STAT6: variants seen among roughly 807,000 people sequenced by gnomAD.
STAT6 encodes the protein STAT, interleukin4-induced.
STAT6 carries 45 observed loss-of-function variants against 106.3 expected under a neutral mutation model. The ratio of observed to expected loss-of-function variants is 0.42; its 90% CI spans 0.33 to 0.54. The LOEUF (loss-of-function observed/expected upper bound fraction) is 0.54, where lower values mean the gene tolerates loss of function less well. STAT6 is among the 20% of genes least tolerant of loss of function. STAT6 has a pLI of 0.06. For synonymous variants in STAT6, 413 were observed against 413.6 expected (o/e 1.00, Z 0.02); for missense variants, 797 against 1,062.2 (o/e 0.75, Z 3.47).
In STAT6 at chr12:57,096,919, C is replaced by T; in HGVS notation, c.2285G>A (p.Cys762Tyr). The part of the protein sequence containing the change: ...HAVSSPDPLL[C>Y]SDVTMVEDSC... ...GTCTTCCACCATGGTCACATCTGAGCAGAGCAGGGGGTCAGGGCTGGACAC... is the reference window on the plus strand; with the variant it reads ...GTCTTCCACCATGGTCACATCTGAGTAGAGCAGGGGGTCAGGGCTGGACAC... Residue 762 changes from cysteine to tyrosine, a missense_variant, in exon 21 of 22, where the codon TGC becomes TAC. Cys to Tyr is a radical substitution (Grantham distance 194, BLOSUM62 -2). Coordinates refer to ENST00000300134, the MANE Select transcript of STAT6 (RefSeq NM_003153.5). The T allele has an allele frequency of 6.2e-7, 1 of 1,614,168 alleles. No homozygotes were observed. Among genetic ancestry groups the T allele is most frequent in the Non-Finnish European group, 8.5e-7 (1 of 1,180,038 alleles).
chr12:57,111,003 A>G (rs1211202658), intron 1 of STAT6, 126 bp downstream of exon 1: 1 of 152,788 alleles, frequency 6.5e-6, no homozygotes, highest in Non-Finnish European at 1.5e-5. Context: ...AGCCACCAAC[A>G]CTAGCTGAAA....
intron 11 of STAT6, 126 bp downstream of exon 11, chr12:57,104,336 AGT>A (rs2034138466): frequency 7.3e-7 from 1 of 1,365,884 alleles, no homozygotes; most frequent in African/African-American, 1.4e-5. Context: ...CCCGGGCCCC[AGT>A]GTGCATGAAT....
In STAT6 at chr12:57,104,754, T is replaced by A; in HGVS notation, c.1061A>T (p.Asn354Ile). ...GTTCTTGAACAGGGCAGAGCAGCAG[T>A]TCCCAGGAATGCTGTTCTCCAAGGG... ...TVPLENSIPG[N>I]CCSALFKNLL... The change falls in exon 10 of 22, where the codon AAC becomes ATC. Residue 354 changes from asparagine (N) to isoleucine (I), a missense_variant. Physicochemically the swap from Asn to Ile is moderately radical, Grantham distance 149. This residue lies in a region of STAT6 where 13 missense variants were observed against 41.1 expected (regional missense o/e 0.32). Coordinates refer to ENST00000300134, the MANE Select transcript of STAT6 (RefSeq NM_003153.5). 6.2e-7 allele frequency: 1 copy of A among 1,614,106 alleles called. No individual in the cohort carries two copies. Among genetic ancestry groups the A allele is most frequent in the East Asian group, 2.2e-5 (1 of 44,874 alleles).
At chr12:57,103,065 A>C (rs2034054587) in intron 11 of STAT6, 144 bp from the exon 12 acceptor site, 2 of 560,420 alleles carry the variant, frequency 3.6e-6, no homozygotes, top group East Asian at 7.2e-5. Flanking sequence ...GTGCAATCTC[A>C]GCTCACTGCA....
rs956257608 is a variant in STAT6 at position 57,105,705 on chromosome 12, T to TG, written c.681-107dup. On this transcript the variant is annotated intron_variant, in intron 7 of 21. Transcript: ENST00000300134. The stretch of plus-strand genomic sequence containing the variant: ...AGAAAGGCTATCATGTGTGGAGAAG[T>TG]GGGGTGGGTAGTGGGTGTGGCTGCA... 5 of 1,465,696 alleles carry TG rather than the reference T, an allele frequency of 3.4e-6. No homozygotes were observed. In the African/African-American group the frequency reaches 7.0e-5, roughly 21 times the overall value. The allele number at this position is 1,465,696 out of a possible 1,614,324, so 90.8% of individuals were successfully genotyped here.
At chr12:57,106,463 G>A (rs1050448915) in intron 6 of STAT6, 65 bp downstream of exon 6, 1 of 1,609,610 alleles carries the variant, frequency 6.2e-7, no homozygotes, top group Non-Finnish European at 8.5e-7. Flanking sequence ...GTCTTTCTGA[G>A]GTCTAGCTTC....
Position 57,102,487 on chromosome 12 carries a change from G to T in STAT6, c.1315C>A (p.Pro439Thr), listed in dbSNP as rs2033992110. The T allele has an allele frequency of 6.2e-7, 1 of 1,613,556 alleles. No individual in the cohort carries two copies. The highest frequency in any genetic ancestry group is 8.5e-7 in the Non-Finnish European group (1 of 1,179,996). Reference sequence around the variant, plus strand: ...GGCACCCGCTCAGCCACCACAAAGGGCACGCGGTCCTGGGGAGAAGGGGGA... The same window carrying T: ...GGCACCCGCTCAGCCACCACAAAGGTCACGCGGTCCTGGGGAGAAGGGGGA... ...DNAFSEMDRV[P>T]FVVAERVPWE... Residue 439 changes from proline to threonine, a missense_variant, in exon 13 of 22, where the codon CCC (proline) becomes ACC (threonine). Around this residue, in one of 4 missense-constraint regions of STAT6, gnomAD observed 222 missense variants for 354.6 expected, o/e 0.63. Coordinates refer to ENST00000300134, the MANE Select transcript of STAT6 (RefSeq NM_003153.5).
At position 57,105,625 on chromosome 12, in the gene STAT6, G is replaced by A. The variant is rs55843453; in HGVS notation, c.681-26C>T. On this transcript the variant is annotated intron_variant, in intron 7 of 21. Transcript: ENST00000300134. ...CTGGGGCCAGGACAGTGGTCAGGGG[G>A]CACAGGATTAAGGCTGCTTGCTCCG... is the stretch of plus-strand genomic sequence containing the variant. 11,982 of 1,611,810 alleles carry A rather than the reference G, an allele frequency of 7.4e-3. 1,265 individuals carry two copies. The Admixed American group carries it at 0.18, about 24-fold the overall frequency.
rs1406270173 is a variant in STAT6 at position 57,096,049 on chromosome 12, C to T, written c.*523G>A. On this transcript the variant is annotated 3_prime_UTR_variant, in exon 22 of 22. Transcript: ENST00000300134. ...CTAGTAACCACATGTCCAGACCCCT[C>T]CTATGCTCCCACCCAGGGTCCCTTG... 6.5e-6 allele frequency: 1 copy of T among 154,714 alleles called. No individual in the cohort carries two copies. Among genetic ancestry groups the T allele is most frequent in the Non-Finnish European group, 1.4e-5 (1 of 69,778 alleles). 9.6% of individuals were successfully genotyped at this position (154,714 alleles called of 1,614,324 possible).
chr12:57,107,401 A>G, intron 3 of STAT6, 87 bp from the exon 4 acceptor site: 1 of 1,392,352 alleles, frequency 7.2e-7, no homozygotes, highest in Non-Finnish European at 1.0e-6. Flanking sequence ...ATTCACACAT[A>G]TACTATAAGG....
At position 57,104,447 on chromosome 12, in the gene STAT6, G is replaced by A. The variant is rs751259120; in HGVS notation, c.1212+17C>T. On this transcript the variant is annotated intron_variant, in intron 11 of 21. Transcript: ENST00000300134. ...ACTCGGGGTCCCAGATTGGGGCAGG[G>A]CTGGGCCACGGTTCACCTGGAGCTG... 25 of 1,600,220 alleles carry A rather than the reference G, an allele frequency of 1.6e-5. No individual in the cohort carries two copies. The highest frequency in any genetic ancestry group is 2.1e-5 in the Non-Finnish European group (25 of 1,174,230).
chr12:57,103,606 C>T (rs1360052555), intron 11 of STAT6: 1 of 152,132 alleles, frequency 6.6e-6, no homozygotes, highest in Non-Finnish European at 1.5e-5. Context: ...CTTGCTCTGT[C>T]GCCCAGGCTG....
Position 57,105,613 on chromosome 12 carries a change from A to G in STAT6, c.681-14T>C, listed in dbSNP as rs1434310110. On this transcript the variant is annotated splice_polypyrimidine_tract_variant and intron_variant, in intron 7 of 21. Transcript: ENST00000300134. ...AGGCTTTCACACCTGGGGCCAGGAC[A>G]GTGGTCAGGGGGCACAGGATTAAGG... 2.5e-6 allele frequency: 4 copies of G among 1,613,210 alleles called. No individual in the cohort carries two copies. Among genetic ancestry groups the G allele is most frequent in the South Asian group, 1.1e-5 (1 of 90,972 alleles).
At chr12:57,110,744 A>G (rs2034534309) in intron 1 of STAT6, among the ~76,000 whole-genome samples, 1 of 152,098 alleles carries the variant, frequency 6.6e-6, no homozygotes, top group Non-Finnish European at 1.5e-5. Flanking sequence ...AGGAACCTTT[A>G]GTGGAGGGCA....
In STAT6 at chr12:57,107,318, C is replaced by T. The variant is rs760998062; in HGVS notation, c.256-4G>A. 1.7e-5 allele frequency: 28 copies of T among 1,613,520 alleles called. No individual in the cohort carries two copies. Among genetic ancestry groups the T allele is most frequent in the Middle Eastern group, 1.6e-4 (1 of 6,084 alleles). On this transcript the variant is annotated splice_region_variant and splice_polypyrimidine_tract_variant and intron_variant, in intron 3 of 21. Transcript: ENST00000300134. The stretch of plus-strand genomic sequence containing the variant: ...GGGGGTCCCTCTGATATATGCTCTA[C>T]AGAAATGAGGGTGGTAAACAGTGAG...
At position 57,099,099 on chromosome 12, in the gene STAT6, C is replaced by T; in HGVS notation, c.1892-21G>A. The T allele has an allele frequency of 6.2e-7, 1 of 1,614,010 alleles. No homozygotes were observed. The highest frequency in any genetic ancestry group is 8.5e-7 in the Non-Finnish European group (1 of 1,179,988). On this transcript the variant is annotated intron_variant, in intron 16 of 21. Coordinates refer to ENST00000300134, the MANE Select transcript of STAT6 (RefSeq NM_003153.5). The surrounding 1 kb of genome is among the most constrained non-coding windows in gnomAD (Gnocchi z 4.7). Reference sequence around the variant, plus strand: ...TTCAGCTGTTGTGAGAAGGAAAAGACAGCCATGGAGTGCTCTGGGGTTAGG... The same window carrying T: ...TTCAGCTGTTGTGAGAAGGAAAAGATAGCCATGGAGTGCTCTGGGGTTAGG...
Position 57,102,184 on chromosome 12 carries a change from C to T in STAT6, c.1512+106G>A, listed in dbSNP as rs1409404345. The T allele has an allele frequency of 2.4e-6, 3 of 1,256,648 alleles. No individual in the cohort carries two copies. The African/African-American group carries it at 4.4e-5, about 19-fold the overall frequency. The allele number at this position is 1,256,648 out of a possible 1,614,324, so 77.8% of individuals were successfully genotyped here. A position where few individuals can be genotyped will look rare whatever the true frequency, so the allele number is the denominator to read the frequency against. On this transcript the variant is annotated intron_variant, in intron 13 of 21. Coordinates refer to ENST00000300134, the MANE Select transcript of STAT6 (RefSeq NM_003153.5). The stretch of plus-strand genomic sequence containing the variant: ...CCTTCCTAAAGGACCTGAGGGGGCA[C>T]TGTGGAGAATCCAGTGGAAGGTCCC...
At chr12:57,106,430 T>C in intron 6 of STAT6, 91 bp from the exon 7 acceptor site, 1 of 1,606,724 alleles carries the variant, frequency 6.2e-7, no homozygotes, top group Non-Finnish European at 8.5e-7. Context: ...CCTCTGGCAT[T>C]CCCTTGCCCT....
At chr12:57,104,403 T>G in intron 11 of STAT6, 61 bp downstream of exon 11, 1 of 1,567,566 alleles carries the variant, frequency 6.4e-7, no homozygotes, top group Non-Finnish European at 8.6e-7. Context: ...AGGGCCCTTG[T>G]GTGTGGCATT....
Sources: gnomAD v4.1 joint callset for allele counts (sites outside exome capture counted in the v4.1 genomes callset) on GRCh38, gnomAD v4.1.1 for gene constraint, gnomAD v4.1.1 regional missense constraint, Gnocchi (gnomAD v3.1) non-coding constraint, MANE v1.5 for transcripts, NCBI Gene and HGNC (gene_info 2026-07-23, HGNC 2026-07-21) for gene names.